POP4: variants seen among roughly 807,000 people sequenced by gnomAD.
POP4 encodes ribonuclease P protein subunit p29.
A neutral mutation model predicts 29.9 loss-of-function variants in POP4; 31 were observed. That is an observed-to-expected ratio of 1.04 (90% confidence interval 0.78 to 1.40). POP4 has a LOEUF of 1.40. Among genes scored for constraint, POP4 ranks in the 40% most tolerant of loss-of-function variants. POP4 has a pLI of 0.00. For missense variants in POP4, 286 were observed against 282.7 expected, an observed-to-expected ratio of 1.01 and a Z score of -0.08; for synonymous variants, 110 against 108.2, an observed-to-expected ratio of 1.02 and a Z score of -0.10.
intron 6 of POP4, among the ~76,000 whole-genome samples, chr19:29,614,789 C>T (rs1971112166): frequency 6.6e-6 from 1 of 152,204 alleles, no homozygotes; most frequent in Non-Finnish European, 1.5e-5. Context: ...TAGGTGTGAG[C>T]CACCGCGCCC....
chr19:29,607,836 T>C (rs1389514945), intron 1 of POP4, among the ~76,000 whole-genome samples: 1 of 152,246 alleles, frequency 6.6e-6, no homozygotes, highest in Non-Finnish European at 1.5e-5. Flanking sequence ...CATCTTACAG[T>C]TAACAAAACC....
At position 29,615,239 on chromosome 19, in the gene POP4, T is replaced by TCC; in HGVS notation, c.527-5_527-4insCC. ...TTCTCCTGCCTTTTTTTTTTTTTTT[T>TCC]TCAGTTATCCCCAAGCTAAACTGCG... On this transcript the variant is annotated splice_polypyrimidine_tract_variant and splice_region_variant and intron_variant, in intron 6 of 6. Coordinates refer to ENST00000585603, the MANE Select transcript of POP4 (RefSeq NM_006627.3). 2 of 1,526,062 alleles carry TCC rather than the reference T, an allele frequency of 1.3e-6. No homozygotes were observed. Among genetic ancestry groups the TCC allele is most frequent in the Non-Finnish European group, 8.8e-7 (1 of 1,139,344 alleles). 94.5% of individuals were successfully genotyped at this position (1,526,062 alleles called of 1,614,324 possible).
At position 29,615,226 on chromosome 19, in the gene POP4, T is replaced by C; in HGVS notation, c.527-18T>C. 8.7e-7 allele frequency: 1 copy of C among 1,154,282 alleles called. No individual in the cohort carries two copies. Among genetic ancestry groups the C allele is most frequent in the Non-Finnish European group, 1.2e-6 (1 of 859,658 alleles). The allele number at this position is 1,154,282 out of a possible 1,614,324, so 71.5% of individuals were successfully genotyped here. On this transcript the variant is annotated intron_variant, in intron 6 of 6. Coordinates refer to ENST00000585603, the MANE Select transcript of POP4 (RefSeq NM_006627.3). Reference sequence around the variant, plus strand: ...TCCTCATCTTTTTTTCTCCTGCCTTTTTTTTTTTTTTTTTCAGTTATCCCC... The same window carrying C: ...TCCTCATCTTTTTTTCTCCTGCCTTCTTTTTTTTTTTTTTCAGTTATCCCC...
rs1264085079 is a variant in POP4 at position 29,615,153 on chromosome 19, TG to T, written c.527-90del. On this transcript the variant is annotated intron_variant, in intron 6 of 6. Transcript: ENST00000585603. ...ATTAGCTTATTTTTTTCATTCAATGTGTTCTGAATAATATTCTACCTAAAAG... is the reference window on the plus strand; with the variant it reads ...ATTAGCTTATTTTTTTCATTCAATGTTTCTGAATAATATTCTACCTAAAAG... 1.2e-5 allele frequency: 16 copies of T among 1,345,132 alleles called. No homozygotes were observed. In the African/African-American group the frequency reaches 2.4e-4, roughly 20 times the overall value. The allele number at this position is 1,345,132 out of a possible 1,614,324, so 83.3% of individuals were successfully genotyped here.
rs541511531 is a variant in POP4, at chr19:29,615,545, G to A, written c.*165G>A. On this transcript the variant is annotated 3_prime_UTR_variant, in exon 7 of 7. Transcript: ENST00000585603. Reference sequence around the variant, plus strand: ...TTGAACAACATGGGAAGGTCGCAGCGTACTAAGTGAAGAAGTCAGAGGACA... The same window carrying A: ...TTGAACAACATGGGAAGGTCGCAGCATACTAAGTGAAGAAGTCAGAGGACA... 5.4e-5 allele frequency: 35 copies of A among 653,480 alleles called. No homozygotes were observed. The South Asian group carries it at 7.7e-4, about 14-fold the overall frequency. The allele number at this position is 653,480 out of a possible 1,614,324, so 40.5% of individuals were successfully genotyped here.
intron 1 of POP4, among the ~76,000 whole-genome samples, chr19:29,607,512 G>T (rs1452892692): frequency 1.3e-5 from 2 of 151,900 alleles, no homozygotes; most frequent in Non-Finnish European, 2.9e-5. Context: ...CATTCTCAGG[G>T]AAGTACAAGA....
chr19:29,606,479 C>T, intron 1 of POP4, 154 bp downstream of exon 1: 1 of 875,640 alleles, frequency 1.1e-6, no homozygotes, highest in Non-Finnish European at 1.7e-6. Flanking sequence ...AAACTGAGGG[C>T]TGGAGCACGG....
chr19:29,615,186 A>G (rs964050463), intron 6 of POP4, 58 bp from the exon 7 acceptor site: 2 of 1,459,290 alleles, frequency 1.4e-6, no homozygotes, highest in Non-Finnish European at 9.1e-7. Flanking sequence ...AAAGTAAAAT[A>G]TTAATAAATA....
At chr19:29,615,199 T>C in intron 6 of POP4, 45 bp from the exon 7 acceptor site, 1 of 1,493,994 alleles carries the variant, frequency 6.7e-7, no homozygotes, top group Non-Finnish European at 8.9e-7. Context: ...AATAAATATT[T>C]TTCCTCATCT....
intron 5 of POP4, 76 bp from the exon 6 acceptor site, chr19:29,613,795 C>G (rs925608162): frequency 1.8e-5 from 28 of 1,534,010 alleles, no homozygotes; most frequent in Non-Finnish European, 2.4e-5. Context: ...GCACCCCCAA[C>G]CCCTGAGGCC....
chr19:29,608,665 T>A lies in POP4; in HGVS notation c.16T>A (p.Tyr6Asn). The change falls in exon 2 of 7, where the codon TAC (tyrosine) becomes AAC (asparagine). Residue 6 changes from tyrosine (Y) to asparagine (N), a missense_variant. Transcript: ENST00000585603. MKSVI[Y>N]HALSQKEAND... ...TTTTTTTAATCCCCCAGGTGTGATC[T>A]ACCATGCATTGTCTCAGAAAGAGGC... 1 of 1,613,928 alleles carries A rather than the reference T, an allele frequency of 6.2e-7. No homozygotes were observed. Among genetic ancestry groups the A allele is most frequent in the Non-Finnish European group, 8.5e-7 (1 of 1,179,800 alleles).
chr19:29,608,385 A>G lies in POP4; in HGVS notation c.8-272A>G, dbSNP rs189894830. The stretch of plus-strand genomic sequence containing the variant: ...AGGTTCCAGCGATTCTCCTGCCTCA[A>G]TCTCCCATGTAGCTGGGAATACAAG... On this transcript the variant is annotated intron_variant, in intron 1 of 6. Transcript: ENST00000585603. 7.2e-4 allele frequency among the ~76,000 whole-genome samples: 108 copies of G among 149,748 alleles called. No homozygotes were observed. Among genetic ancestry groups the G allele is most frequent in the African/African-American group, 2.3e-3 (92 of 40,432 alleles).
chr19:29,612,217 A>G (rs1178160348), intron 5 of POP4, 39 bp downstream of exon 5: 3 of 1,558,168 alleles, frequency 1.9e-6, no homozygotes, highest in Admixed American at 2.0e-5. Context: ...GGCCATCCAG[A>G]GGTTCACTCT....
chr19:29,610,798 A>G, intron 3 of POP4, 166 bp downstream of exon 3: 2 of 684,590 alleles, frequency 2.9e-6, no homozygotes, highest in Non-Finnish European at 4.9e-6. Context: ...GGCTGTGTTC[A>G]GCGAGGCGGG....
In POP4 at chr19:29,612,118, C is replaced by A. The variant is rs752887866; in HGVS notation, c.364C>A (p.Gln122Lys). Residue 122 changes from glutamine to lysine, a missense_variant and splice_region_variant, in exon 5 of 7, where the codon CAG (glutamine) becomes AAG (lysine). Physicochemically the swap from Gln to Lys is moderately conservative, Grantham distance 53. Coordinates refer to ENST00000585603, the MANE Select transcript of POP4 (RefSeq NM_006627.3). Reference protein sequence around the residue: ...DLCSGLKPDTQPQMIQAKLLK... With the variant: ...DLCSGLKPDTKPQMIQAKLLK... ...CAAGGGCTTCTGTTTACCCTGCAGG[C>A]AGCCACAGATGATTCAGGCCAAGCT... 1.4e-5 allele frequency: 23 copies of A among 1,606,598 alleles called. No individual in the cohort carries two copies. The highest frequency in any genetic ancestry group is 2.0e-5 in the Non-Finnish European group (23 of 1,177,936).
At chr19:29,609,759 CAG>C (rs1191065787) in intron 2 of POP4, among the ~76,000 whole-genome samples, 1 of 152,206 alleles carries the variant, frequency 6.6e-6, no homozygotes, top group African/African-American at 2.4e-5. Flanking sequence ...TGACACCCTT[CAG>C]AGAGAGCGAG....
chr19:29,606,495 C>A, intron 1 of POP4, 170 bp downstream of exon 1: 1 of 691,184 alleles, frequency 1.4e-6, no homozygotes, highest in East Asian at 3.3e-5. Context: ...CACGGGTTAG[C>A]CTGGCTCGAC....
In POP4 at chr19:29,610,695, GCTGAGTGGCTGGGGAGGCAGC is replaced by G. The variant is rs916545282; in HGVS notation, c.284+67_284+87del. 33 of 1,526,768 alleles carry G rather than the reference GCTGAGTGGCTGGGGAGGCAGC, an allele frequency of 2.2e-5. No homozygotes were observed. In the Middle Eastern group the frequency reaches 1.5e-3, roughly 67 times the overall value. 94.6% of individuals were successfully genotyped at this position (1,526,768 alleles called of 1,614,324 possible). A position where few individuals can be genotyped will look rare whatever the true frequency, so the allele number is the denominator to read the frequency against. On this transcript the variant is annotated intron_variant, in intron 3 of 6. Coordinates refer to ENST00000585603, the MANE Select transcript of POP4 (RefSeq NM_006627.3). ...TTACCCTTCTTGGTGTGTGAACTTG[GCTGAGTGGCTGGGGAGGCAGC>G]CTGGCTCCACCTAAGCTAAGGGGGC...
Position 29,606,323 on chromosome 19 carries a change from A to C in POP4, c.5A>C (p.Lys2Thr), listed in dbSNP as rs1478255708. 2 of 1,606,384 alleles carry C rather than the reference A, an allele frequency of 1.2e-6. No individual in the cohort carries two copies. The highest frequency in any genetic ancestry group is 1.7e-6 in the Non-Finnish European group (2 of 1,176,830). The change falls in exon 1 of 7, where the codon AAG (lysine) becomes ACG (threonine). Residue 2 changes from lysine to threonine, a missense_variant and splice_region_variant. Lys to Thr is a moderately conservative substitution (Grantham distance 78, BLOSUM62 -1). Transcript: ENST00000585603. ...AGCGCCGGAAGCGGTCCGAGAATGA[A>C]GAGTAAGCGGGGCCGCGAAGTTGGA... is the stretch of plus-strand genomic sequence containing the variant. M[K>T]SVIYHALSQK...
Sources: gnomAD v4.1 joint callset for allele counts (sites outside exome capture counted in the v4.1 genomes callset) on GRCh38, gnomAD v4.1.1 for gene constraint, MANE v1.5 for transcripts, NCBI Gene and HGNC (gene_info 2026-07-23, HGNC 2026-07-21) for gene names.